The following GFRA2 variants were observed in gnomAD, a reference collection of about 807,000 sequenced individuals.
GFRA2 encodes GDNF family receptor alpha-2.
In GFRA2, 17 loss-of-function variants were observed where a neutral mutation model predicts 48.3. The observed-to-expected ratio is 0.35, with a 90% CI of 0.24 to 0.53. GFRA2 has a LOEUF of 0.53. Ranked by LOEUF, GFRA2 falls within the 20% of genes least tolerant of loss-of-function variation. The pLI is 0.93. For synonymous variants in GFRA2, 305 were observed against 257.2 expected, an observed-to-expected ratio of 1.19 and a Z score of -1.78; for missense variants, 660 against 637.3, an observed-to-expected ratio of 1.04 and a Z score of -0.38.
chr8:21,728,841 A>G (rs1255995842), intron 4 of GFRA2, among the ~76,000 whole-genome samples: 1 of 152,232 alleles, frequency 6.6e-6, no homozygotes, highest in Non-Finnish European at 1.5e-5. Context: ...TTTGACATGG[A>G]AATTCCTAAA....
intron 2 of GFRA2, among the ~76,000 whole-genome samples, chr8:21,775,370 G>C (rs1806644089): frequency 1.3e-5 from 2 of 152,242 alleles, no homozygotes; most frequent in African/African-American, 4.8e-5. Flanking sequence ...ACTTGCAGGT[G>C]CATCTGGGGG....
At chr8:21,752,255 C>T (rs1458121780) in intron 3 of GFRA2, among the ~76,000 whole-genome samples, 1 of 152,166 alleles carries the variant, frequency 6.6e-6, no homozygotes, top group African/African-American at 2.4e-5. Context: ...GAAAGCAAAA[C>T]CCCTCAATCG....
intron 4 of GFRA2, among the ~76,000 whole-genome samples, chr8:21,718,099 C>T (rs1053649853): frequency 6.6e-6 from 1 of 152,192 alleles, no homozygotes; most frequent in Non-Finnish European, 1.5e-5. Context: ...ATAGGTTTGG[C>T]TGTGTCCCCA....
Position 21,702,861 on chromosome 8 carries a change from G to A in GFRA2, c.1162C>T (p.Leu388Phe). Residue 388 changes from leucine (L) to phenylalanine (F), a missense_variant, in exon 7 of 9, where the codon CTC (leucine) becomes TTC (phenylalanine). Transcript: ENST00000524240. ...GTCCCCAAGCTGGTACTGTCACTGAGGTCATCTGGCAAAGAAGGCGTCTTC... is the reference window on the plus strand; with the variant it reads ...GTCCCCAAGCTGGTACTGTCACTGAAGTCATCTGGCAAAGAAGGCGTCTTC... ...VEKTPSLPDD[L>F]SDSTSLGTSV... 1.9e-6 allele frequency: 3 copies of A among 1,610,318 alleles called. No homozygotes were observed. The highest frequency in any genetic ancestry group is 2.5e-6 in the Non-Finnish European group (3 of 1,178,120).
At chr8:21,726,405 T>C (rs980708749) in intron 4 of GFRA2, among the ~76,000 whole-genome samples, 1 of 152,152 alleles carries the variant, frequency 6.6e-6, no homozygotes, top group African/African-American at 2.4e-5. Flanking sequence ...CTCACTAGCT[T>C]CCTAGGGCAG....
intron 4 of GFRA2, among the ~76,000 whole-genome samples, chr8:21,722,091 G>C (rs977120633): frequency 2.6e-4 from 39 of 152,210 alleles, no homozygotes; most frequent in African/African-American, 9.2e-4. Flanking sequence ...AACTAACAAA[G>C]GATGTGAGGC....
intron 1 of GFRA2, chr8:21,784,476 C>T: frequency 2.6e-6 from 1 of 383,964 alleles, no homozygotes; most frequent in African/African-American, 2.1e-5. Context: ...CTCAGGCCAT[C>T]CCCCGGGAGG....
chr8:21,740,505 T>C (rs969226068), intron 4 of GFRA2, among the ~76,000 whole-genome samples: 2 of 152,184 alleles, frequency 1.3e-5, no homozygotes, highest in Middle Eastern at 6.3e-3. Flanking sequence ...CTCTACAGCA[T>C]ACGGCACGGC....
chr8:21,752,317 G>A (rs1002324849), intron 3 of GFRA2, among the ~76,000 whole-genome samples: 4 of 152,052 alleles, frequency 2.6e-5, no homozygotes, highest in African/African-American at 9.7e-5. Context: ...TCTTAGACCT[G>A]CTTCAGCCTG....
intron 4 of GFRA2, among the ~76,000 whole-genome samples, chr8:21,742,331 CTCTT>C (rs1804787035): frequency 6.6e-6 from 1 of 152,150 alleles, no homozygotes; most frequent in African/African-American, 2.4e-5. Context: ...ATTGATCTCT[CTCTT>C]TCTCTCCTCT....
chr8:21,722,298 T>C (rs1585254634), intron 4 of GFRA2, among the ~76,000 whole-genome samples: 2 of 152,094 alleles, frequency 1.3e-5, no homozygotes, highest in Non-Finnish European at 2.9e-5. Flanking sequence ...CCCAGGAACA[T>C]AGCGCCTTAG....
In GFRA2 at chr8:21,788,419, T is replaced by C. The variant is rs1193069651; in HGVS notation, c.-260A>G. 1.6e-6 allele frequency: 2 copies of C among 1,260,946 alleles called. No homozygotes were observed. Among genetic ancestry groups the C allele is most frequent in the African/African-American group, 3.1e-5 (2 of 63,800 alleles). The allele number at this position is 1,260,946 out of a possible 1,614,324, so 78.1% of individuals were successfully genotyped here. A position where few individuals can be genotyped will look rare whatever the true frequency, so the allele number is the denominator to read the frequency against. On this transcript the variant is annotated 5_prime_UTR_variant, in exon 1 of 9. Transcript: ENST00000524240. ...CTACAATCAAATATACGCGTATCTGTGTATCGGCTTTCTAAGCCAACAGCC... is the reference window on the plus strand; with the variant it reads ...CTACAATCAAATATACGCGTATCTGCGTATCGGCTTTCTAAGCCAACAGCC...
At chr8:21,727,599 G>C (rs896727933) in intron 4 of GFRA2, among the ~76,000 whole-genome samples, 1 of 152,188 alleles carries the variant, frequency 6.6e-6, no homozygotes, top group Non-Finnish European at 1.5e-5. Flanking sequence ...GATTCCCAGT[G>C]CCCTTTCCCC....
chr8:21,728,284 T>G (rs1301080538), intron 4 of GFRA2, among the ~76,000 whole-genome samples: 2 of 141,458 alleles, frequency 1.4e-5, no homozygotes, highest in African/African-American at 5.3e-5. Flanking sequence ...TTTTTTTTTT[T>G]TTTTTTTTGA....
At chr8:21,702,474 C>A (rs1316066689) in intron 7 of GFRA2, among the ~76,000 whole-genome samples, 1 of 152,216 alleles carries the variant, frequency 6.6e-6, no homozygotes, top group Admixed American at 6.5e-5. Flanking sequence ...TAGGAGCCTG[C>A]TGCCCCACTC....
chr8:21,766,292 C>T (rs1184196961), intron 3 of GFRA2, among the ~76,000 whole-genome samples: 1 of 152,042 alleles, frequency 6.6e-6, no homozygotes, highest in African/African-American at 2.4e-5. Context: ...GCTTGGCATT[C>T]ATCACTATCT....
intron 4 of GFRA2, among the ~76,000 whole-genome samples, chr8:21,712,653 G>A (rs1188261679): frequency 6.6e-6 from 1 of 152,124 alleles, no homozygotes; most frequent in South Asian, 2.1e-4. Context: ...GGCCAAGGCA[G>A]GCGGCTGGGA....
intron 7 of GFRA2, among the ~76,000 whole-genome samples, chr8:21,701,888 G>T (rs541173994): frequency 1.3e-5 from 2 of 152,130 alleles, no homozygotes; most frequent in Non-Finnish European, 2.9e-5. Context: ...CCAAAGCCAC[G>T]GCTTTGGACC....
intron 3 of GFRA2, among the ~76,000 whole-genome samples, chr8:21,774,263 G>T (rs1160001527): frequency 6.6e-6 from 1 of 151,792 alleles, no homozygotes; most frequent in Non-Finnish European, 1.5e-5. Context: ...AAGCCGAGAA[G>T]AAAGACCCCC....
Sources: gnomAD v4.1 joint callset for allele counts (sites outside exome capture counted in the v4.1 genomes callset) on GRCh38, gnomAD v4.1.1 for gene constraint, MANE v1.5 for transcripts, NCBI Gene and HGNC (gene_info 2026-07-23, HGNC 2026-07-21) for gene names.